The following PANK1 variants were observed in gnomAD, a reference collection of about 807,000 sequenced individuals.
PANK1 encodes pantothenate kinase 1.
Under a neutral mutation model 40.1 loss-of-function variants are expected in PANK1, and 18 were observed. The observed-to-expected ratio is 0.45, with a 90% CI of 0.31 to 0.67. The LOEUF is 0.67. Ranked by LOEUF, PANK1 falls within the 30% of genes least tolerant of loss-of-function variation. The pLI is 0.06. For missense variants in PANK1, 457 were observed against 599.6 expected, an observed-to-expected ratio of 0.76 and a Z score of 2.48; for synonymous variants, 242 against 237.7, an observed-to-expected ratio of 1.02 and a Z score of -0.17.
At position 89,629,179 on chromosome 10, in the gene PANK1, G is replaced by C. The variant is rs1043256947; in HGVS notation, c.292+15421C>G. On this transcript the variant is annotated intron_variant, in intron 1 of 6. Transcript: ENST00000307534. ...GTACTCTCAAGTGTAAGATGCATGA[G>C]CACCTCTGACTTTATCTACTTCCCA... Among the ~76,000 whole-genome samples the C allele has an allele frequency of 3.9e-5, 6 of 152,202 alleles. No homozygotes were observed. In the East Asian group the frequency reaches 7.7e-4, roughly 20 times the overall value.
rs898015343 is a variant in PANK1 at position 89,643,696 on chromosome 10, C to T, written c.292+904G>A. On this transcript the variant is annotated intron_variant, in intron 1 of 6. Transcript: ENST00000307534. The stretch of plus-strand genomic sequence containing the variant: ...CATTTATTAGCATTTACTGTACTTA[C>T]TTTGCTTTTTGCCATTTATAAGCTT... 18 of 1,610,678 alleles carry T rather than the reference C, an allele frequency of 1.1e-5. No homozygotes were observed. The African/African-American group carries it at 2.1e-4, about 19-fold the overall frequency.
intron 6 of PANK1, among the ~76,000 whole-genome samples, chr10:89,585,435 A>G (rs1844167868): frequency 6.6e-6 from 1 of 152,170 alleles, no homozygotes; most frequent in African/African-American, 2.4e-5. Context: ...CACTTGCTGA[A>G]CTCAATAGTT....
chr10:89,587,264 C>T (rs1844223899), intron 6 of PANK1, among the ~76,000 whole-genome samples: 1 of 152,216 alleles, frequency 6.6e-6, no homozygotes, highest in African/African-American at 2.4e-5. Flanking sequence ...CACTTCTGTT[C>T]TTACCAGCTG....
intron 2 of PANK1, among the ~76,000 whole-genome samples, chr10:89,611,068 C>A (rs1442309149): frequency 6.6e-6 from 1 of 152,144 alleles, no homozygotes; most frequent in Non-Finnish European, 1.5e-5. Flanking sequence ...TCTAAATGAG[C>A]AACGTACAGT....
At chr10:89,605,822 T>C (rs999523046) in intron 2 of PANK1, among the ~76,000 whole-genome samples, 1 of 152,186 alleles carries the variant, frequency 6.6e-6, no homozygotes, top group Non-Finnish European at 1.5e-5. Context: ...ATGGCAGCTA[T>C]GGCCTATGAA....
At chr10:89,613,984 T>G (rs2133967492) in intron 1 of PANK1, 1 of 456,716 alleles carries the variant, frequency 2.2e-6, no homozygotes. Context: ...GCATTAAAAT[T>G]ATCTCGAATT....
chr10:89,614,061 A>C (rs1336353018), intron 1 of PANK1: 2 of 456,376 alleles, frequency 4.4e-6, no homozygotes, highest in Non-Finnish European at 8.8e-6. Flanking sequence ...AAGTAACCCC[A>C]ATCATAAAGT....
chr10:89,590,035 G>GAAAAAAAAAAAAAAAAAAA (rs11389233), intron 5 of PANK1, among the ~76,000 whole-genome samples: 1 of 100,396 alleles, frequency 1.0e-5, no homozygotes. Context: ...TGTTAAAAAA[G>GAAAAAAAAAAAAAAAAAAA]AAAAAAAAAA....
chr10:89,631,989 A>ATTTT (rs1554842618), intron 1 of PANK1, among the ~76,000 whole-genome samples: 58 of 102,716 alleles, frequency 5.6e-4, no homozygotes, highest in Admixed American at 3.5e-3. Flanking sequence ...TTTTTTTTTA[A>ATTTT]AAAGGGTTCT....
At chr10:89,604,773 CAG>C (rs944442744) in intron 2 of PANK1, among the ~76,000 whole-genome samples, 4 of 149,722 alleles carry the variant, frequency 2.7e-5, no homozygotes, top group African/African-American at 7.4e-5. Context: ...TTTTTTGAGA[CAG>C]AGTCTTTCTC....
chr10:89,616,074 G>A (rs1412598052), intron 1 of PANK1, among the ~76,000 whole-genome samples: 1 of 152,238 alleles, frequency 6.6e-6, no homozygotes, highest in Non-Finnish European at 1.5e-5. Context: ...CCTTAAACCA[G>A]ATGTCATTTT....
chr10:89,617,573 A>G (rs930729850), intron 1 of PANK1, among the ~76,000 whole-genome samples: 3 of 152,260 alleles, frequency 2.0e-5, no homozygotes, highest in African/African-American at 7.2e-5. Flanking sequence ...CCCAACAAAT[A>G]GAATGGCTAC....
chr10:89,619,529 TAAG>T (rs1845418059), intron 1 of PANK1, among the ~76,000 whole-genome samples: 1 of 152,176 alleles, frequency 6.6e-6, no homozygotes, highest in Non-Finnish European at 1.5e-5. Flanking sequence ...TGCAGAGCCT[TAAG>T]AAGTGTTCCT....
intron 1 of PANK1, among the ~76,000 whole-genome samples, chr10:89,642,290 T>C (rs1316800405): frequency 2.6e-5 from 4 of 152,262 alleles, no homozygotes; most frequent in Admixed American, 6.5e-5. Context: ...ATGTGTATTG[T>C]CCTTTACCTA....
intron 2 of PANK1, among the ~76,000 whole-genome samples, chr10:89,605,269 C>T (rs1341928690): frequency 1.3e-5 from 2 of 152,122 alleles, no homozygotes; most frequent in African/African-American, 4.8e-5. Flanking sequence ...ATGAAGTTTG[C>T]CGCATTGGTT....
At position 89,584,412 on chromosome 10, in the gene PANK1, G is replaced by A. The variant is rs1063943; in HGVS notation, c.1380C>T (p.Asp460=). The change falls in exon 7 of 7, where the codon GAC becomes GAT. Residue 460 remains aspartate (D), a synonymous_variant. Coordinates refer to ENST00000307534, the MANE Select transcript of PANK1 (RefSeq NM_148977.3). Reference sequence around the variant, plus strand: ...TTTCCTCCACTGCTCGTCTCTACTTGTCATCAGTCATTTTGAACAGTTCCA... The same window carrying A: ...TTTCCTCCACTGCTCGTCTCTACTTATCATCAGTCATTTTGAACAGTTCCA... The part of the protein sequence containing the change: ...ALLELFKMTD[D]K 158,243 of 1,594,702 alleles carry A rather than the reference G, an allele frequency of 0.099. 8,390 individuals carry two copies. Among genetic ancestry groups the A allele is most frequent in the Admixed American group, 0.13 (7,600 of 59,920 alleles).
At chr10:89,585,867 C>T (rs975293090) in intron 6 of PANK1, among the ~76,000 whole-genome samples, 2 of 152,128 alleles carry the variant, frequency 1.3e-5, no homozygotes, top group East Asian at 3.8e-4. Context: ...GTAAGGCCCG[C>T]GTAAGCCAGA....
chr10:89,611,998 AC>A lies in PANK1; in HGVS notation c.342del (p.Tyr115IlefsTer19). 6.2e-7 allele frequency: 1 copy of A among 1,614,078 alleles called. No homozygotes were observed. Among genetic ancestry groups the A allele is most frequent in the Non-Finnish European group, 8.5e-7 (1 of 1,180,032 alleles). On this transcript the variant is annotated frameshift_variant, in exon 2 of 7. Coordinates refer to ENST00000307534, the MANE Select transcript of PANK1 (RefSeq NM_148977.3). LOFTEE classifies it high-confidence loss of function. ...MDIGGTLVKL[V>X]YFEPKDITAE... ...GCTGTAATATCCTTCGGCTCGAAATACACCAATTTAACCAGCGTTCCACCGA... is the reference window on the plus strand; with the variant it reads ...GCTGTAATATCCTTCGGCTCGAAATAACCAATTTAACCAGCGTTCCACCGA...
At chr10:89,586,211 G>C (rs939849839) in intron 6 of PANK1, among the ~76,000 whole-genome samples, 6 of 152,214 alleles carry the variant, frequency 3.9e-5, no homozygotes, top group African/African-American at 1.4e-4. Flanking sequence ...ATAAGACACA[G>C]ATAAATGGCA....
Sources: allele counts gnomAD v4.1 joint callset (sites outside exome capture counted in the v4.1 genomes callset), GRCh38; gene constraint gnomAD v4.1.1; transcripts MANE v1.5; gene names NCBI Gene and HGNC (gene_info 2026-07-23, HGNC 2026-07-21).